Variants in UGT1A4 observed in about 807,000 individuals in gnomAD.
UGT1A4 encodes the protein UDP glucuronosyltransferase family 1 member A4.
In UGT1A4, 32 loss-of-function variants were observed where a neutral mutation model predicts 41.1. The ratio of observed to expected loss-of-function variants is 0.78; its 90% confidence interval spans 0.59 to 1.05. UGT1A4 has a LOEUF of 1.05. Among genes scored for constraint, UGT1A4 ranks in the 50% least tolerant of loss-of-function variants. UGT1A4 has a pLI of 0.00. For missense variants in UGT1A4, 748 were observed against 677.4 expected, an observed-to-expected ratio of 1.10 and a Z score of -1.16; for synonymous variants, 283 against 265.1, an observed-to-expected ratio of 1.07 and a Z score of -0.66.
At chr2:233,725,317 C>CAGAG (rs1559370683) in intron 1 of UGT1A4, among the ~76,000 whole-genome samples, 1 of 37,458 alleles carries the variant, frequency 2.7e-5, no homozygotes. Context: ...GAGGCAGAGG[C>CAGAG]GCCTGGTCAA....
chr2:233,726,029 G>A (rs1318137671), intron 1 of UGT1A4, among the ~76,000 whole-genome samples: 1 of 152,112 alleles, frequency 6.6e-6, no homozygotes, highest in Non-Finnish European at 1.5e-5. Flanking sequence ...ATCCAGGTGT[G>A]ATGGCGCACA....
Position 233,729,571 on chromosome 2 carries a change from G to A in UGT1A4, c.867+9884G>A, listed in dbSNP as rs965988508. The A allele has an allele frequency of 3.7e-6, 6 of 1,613,982 alleles. No individual in the cohort carries two copies. In the African/African-American group the frequency reaches 6.7e-5, roughly 18 times the overall value. ...CCTGAATGCTACTTCCTTTGATGTG[G>A]TTTTAACAGACCCCGTTAACCTCTG... On this transcript the variant is annotated intron_variant, in intron 1 of 4. Transcript: ENST00000373409.
At chr2:233,747,707 A>G (rs1693758037) in intron 1 of UGT1A4, 3 of 1,612,682 alleles carry the variant, frequency 1.9e-6, no homozygotes, top group African/African-American at 1.3e-5. Flanking sequence ...CTAAGTACCT[A>G]TCAATTCCTG....
intron 1 of UGT1A4, chr2:233,761,265 G>A (rs1265780323): frequency 1.3e-6 from 2 of 1,595,780 alleles, no homozygotes; most frequent in Non-Finnish European, 8.6e-7. Flanking sequence ...AATTTAAAAT[G>A]CCCTCTTTTG....
intron 1 of UGT1A4, chr2:233,755,226 G>C: frequency 1.0e-6 from 1 of 975,544 alleles, no homozygotes; most frequent in South Asian, 1.3e-5. Flanking sequence ...ACCCTCGGAC[G>C]AGGCCTACCG....
intron 1 of UGT1A4, among the ~76,000 whole-genome samples, chr2:233,736,036 C>T (rs2078722234): frequency 6.6e-6 from 1 of 152,082 alleles, no homozygotes; most frequent in Non-Finnish European, 1.5e-5. Context: ...CTCTGTATTT[C>T]CTGAATTTGA....
At chr2:233,719,881 G>A (rs1265603009) in intron 1 of UGT1A4, among the ~76,000 whole-genome samples, 194 bp downstream of exon 1, 1 of 152,192 alleles carries the variant, frequency 6.6e-6, no homozygotes, top group East Asian at 1.9e-4. Flanking sequence ...AAGAGGCACG[G>A]ATGAGGGTCT....
intron 3 of UGT1A4, 26 bp downstream of exon 3, chr2:233,767,962 G>C (rs775218208): frequency 6.2e-7 from 1 of 1,614,120 alleles, no homozygotes; most frequent in Non-Finnish European, 8.5e-7. Context: ...TGGATGTATA[G>C]GTCAAACCAG....
At chr2:233,737,894 G>A (rs1690620451) in intron 1 of UGT1A4, among the ~76,000 whole-genome samples, 1 of 151,986 alleles carries the variant, frequency 6.6e-6, no homozygotes, top group Non-Finnish European at 1.5e-5. Context: ...GCTAATTTTC[G>A]AGTGTGGTAA....
chr2:233,729,482 A>G (rs2077866923), intron 1 of UGT1A4: 1 of 1,614,098 alleles, frequency 6.2e-7, no homozygotes, highest in Non-Finnish European at 8.5e-7. Flanking sequence ...ATGTTGAACA[A>G]TATGTCTTTG....
At chr2:233,721,428 G>A (rs2076944672) in intron 1 of UGT1A4, 1 of 157,010 alleles carries the variant, frequency 6.4e-6, no homozygotes, top group South Asian at 1.9e-4. Flanking sequence ...TAAGCATTGT[G>A]GTTTTAATGT....
At chr2:233,772,231 C>G (rs2126066106) in intron 4 of UGT1A4, 31 bp from the exon 5 acceptor site, 1 of 1,613,718 alleles carries the variant, frequency 6.2e-7, no homozygotes, top group Non-Finnish European at 8.5e-7. Context: ...CACAGGTGTT[C>G]CAGGCATAAC....
chr2:233,767,739 GT>G, intron 2 of UGT1A4, 109 bp from the exon 3 acceptor site: 1 of 1,578,058 alleles, frequency 6.3e-7, no homozygotes, highest in Non-Finnish European at 8.6e-7. Flanking sequence ...CTCCCACTCT[GT>G]TAAAGACTGT....
intron 1 of UGT1A4, among the ~76,000 whole-genome samples, chr2:233,745,359 T>C (rs1693087211): frequency 6.6e-6 from 1 of 151,886 alleles, no homozygotes; most frequent in Admixed American, 6.5e-5. Flanking sequence ...GGGAATTTTT[T>C]TGAGATCTGA....
At position 233,768,372 on chromosome 2, in the gene UGT1A4, C is replaced by A; in HGVS notation, c.1240C>A (p.Leu414Met). 1 of 1,614,130 alleles carries A rather than the reference C, an allele frequency of 6.2e-7. No homozygotes were observed. The highest frequency in any genetic ancestry group is 8.5e-7 in the Non-Finnish European group (1 of 1,180,038). The change falls in exon 4 of 5, where the codon CTG becomes ATG. Residue 414 changes from leucine (L) to methionine (M), a missense_variant. By Grantham distance (15) the Leu-to-Met change is conservative. Coordinates refer to ENST00000373409, the MANE Select transcript of UGT1A4 (RefSeq NM_007120.3). The part of the protein sequence containing the change: ...RMETKGAGVT[L>M]NVLEMTSEDL... ...GGAGACTAAGGGAGCTGGAGTGACC[C>A]TGAATGTTCTGGAAATGACTTCTGA...
chr2:233,733,677 AC>A, intron 1 of UGT1A4, among the ~76,000 whole-genome samples: 1 of 152,244 alleles, frequency 6.6e-6, no homozygotes, highest in South Asian at 2.1e-4. Context: ...ATGTGGATAA[AC>A]TTTTTGATGT....
intron 1 of UGT1A4, chr2:233,743,737 C>T: frequency 7.3e-7 from 1 of 1,367,416 alleles, no homozygotes. Flanking sequence ...TATCGCGTTT[C>T]TTGGCGTCCG....
At chr2:233,767,231 C>A in intron 2 of UGT1A4, 66 bp downstream of exon 2, 1 of 1,609,938 alleles carries the variant, frequency 6.2e-7, no homozygotes, top group Non-Finnish European at 8.5e-7. Flanking sequence ...AGACTTCCAG[C>A]TTCCAGATTA....
chr2:233,739,424 C>T lies in UGT1A4; in HGVS notation c.867+19737C>T, dbSNP rs531347929. Among the ~76,000 whole-genome samples, 15 of 152,298 alleles carry T rather than the reference C, an allele frequency of 9.8e-5. No homozygotes were observed. In the South Asian group the frequency reaches 1.7e-3, roughly 17 times the overall value. ...TGCCACCCTCTGAAAGCAGCCAGGA[C>T]GAGGGCTTTACCCTGCAAAGCCACA... On this transcript the variant is annotated intron_variant, in intron 1 of 4. Transcript: ENST00000373409.
Sources: gnomAD v4.1 joint callset for allele counts (sites outside exome capture counted in the v4.1 genomes callset) on GRCh38, gnomAD v4.1.1 for gene constraint, MANE v1.5 for transcripts, NCBI Gene and HGNC (gene_info 2026-07-23, HGNC 2026-07-21) for gene names.